The following SKIC3 variants were observed in gnomAD, a reference collection of about 807,000 sequenced individuals.
SKIC3 encodes SKI3 subunit of superkiller complex.
the SKIC3 span, among the ~76,000 whole-genome samples, chr5:95,508,346 T>C: frequency 6.6e-6 from 1 of 152,230 alleles, no homozygotes; most frequent in African/African-American, 2.4e-5. Flanking sequence ...TCAATAGTTA[T>C]TTTCTTATCA....
chr5:95,509,082 A>C, the SKIC3 span, among the ~76,000 whole-genome samples: 3 of 152,206 alleles, frequency 2.0e-5, no homozygotes, highest in Non-Finnish European at 4.4e-5. Context: ...ATAGCTGAAA[A>C]TTTGGGAACA....
At chr5:95,540,638 A>T in the SKIC3 span, 1 of 1,604,674 alleles carries the variant, frequency 6.2e-7, no homozygotes, top group Non-Finnish European at 8.5e-7. Context: ...TTCTAAATTC[A>T]ATTAAATGAT....
chr5:95,537,049 T>C, the SKIC3 span: 4 of 1,613,428 alleles, frequency 2.5e-6, no homozygotes, highest in Non-Finnish European at 3.4e-6. Flanking sequence ...TTACTTTGGA[T>C]AAACTCTGAA....
chr5:95,492,506 G>A, the SKIC3 span, among the ~76,000 whole-genome samples: 3 of 144,946 alleles, frequency 2.1e-5, no homozygotes, highest in East Asian at 2.0e-4. Context: ...GCGTAGTGGC[G>A]GGCGCCTGTA....
the SKIC3 span, chr5:95,530,096 T>C: frequency 2.1e-5 from 34 of 1,613,158 alleles, no homozygotes; most frequent in Non-Finnish European, 2.9e-5. Flanking sequence ...TACCTTCTGT[T>C]AGGTTCCTAA....
the SKIC3 span, among the ~76,000 whole-genome samples, chr5:95,479,668 A>G: frequency 6.9e-6 from 1 of 144,270 alleles, no homozygotes; most frequent in African/African-American, 2.7e-5. Flanking sequence ...ATGTATAGGA[A>G]AAAACATTGT....
chr5:95,514,352 T>C, the SKIC3 span, among the ~76,000 whole-genome samples: 3 of 152,026 alleles, frequency 2.0e-5, no homozygotes, highest in South Asian at 2.1e-4. Context: ...TAACAAAGTA[T>C]CCTGATTCCT....
the SKIC3 span, chr5:95,525,605 T>C: frequency 1.2e-6 from 2 of 1,614,054 alleles, no homozygotes. Context: ...CTTCATCAAA[T>C]GAACCTTTGT....
chr5:95,491,010 T>C, the SKIC3 span: 16 of 1,614,026 alleles, frequency 9.9e-6, no homozygotes, highest in South Asian at 1.6e-4. Context: ...CAGGCTGCCA[T>C]TAGCCCAGCC....
At chr5:95,497,188 C>T in the SKIC3 span, among the ~76,000 whole-genome samples, 2 of 152,168 alleles carry the variant, frequency 1.3e-5, no homozygotes, top group African/African-American at 4.8e-5. Context: ...GCTCCCACTT[C>T]TTTGTACGTC....
chr5:95,553,160 C>T, the SKIC3 span, among the ~76,000 whole-genome samples: 2 of 152,156 alleles, frequency 1.3e-5, no homozygotes, highest in African/African-American at 4.8e-5. Flanking sequence ...ATTCTTCCAG[C>T]ACAACGTCTC....
chr5:95,496,110 C>G, the SKIC3 span, among the ~76,000 whole-genome samples: 5 of 151,878 alleles, frequency 3.3e-5, no homozygotes, highest in Non-Finnish European at 7.4e-5. Flanking sequence ...CTCCGCCTCC[C>G]GGGTTCAAGT....
the SKIC3 span, among the ~76,000 whole-genome samples, chr5:95,532,060 C>G: frequency 6.6e-6 from 1 of 152,118 alleles, no homozygotes; most frequent in African/African-American, 2.4e-5. Context: ...CTACCCATCT[C>G]AGTCTAAACA....
the SKIC3 span, among the ~76,000 whole-genome samples, chr5:95,466,322 A>G: frequency 2.0e-5 from 3 of 152,218 alleles, no homozygotes; most frequent in Non-Finnish European, 4.4e-5. Context: ...TTTAAAGATA[A>G]TACGAACATT....
the SKIC3 span, among the ~76,000 whole-genome samples, chr5:95,490,558 C>T: frequency 4.7e-5 from 7 of 148,858 alleles, no homozygotes; most frequent in East Asian, 2.0e-4. Flanking sequence ...AGAGCGGTGG[C>T]GCAATCTCGG....
the SKIC3 span, chr5:95,494,738 T>C: frequency 6.2e-7 from 1 of 1,613,784 alleles, no homozygotes; most frequent in Non-Finnish European, 8.5e-7. Flanking sequence ...TTTTTCATCT[T>C]CTGCTGAACT....
At chr5:95,482,944 A>T in the SKIC3 span, among the ~76,000 whole-genome samples, 1 of 152,190 alleles carries the variant, frequency 6.6e-6, no homozygotes. Context: ...AGTTGAACTA[A>T]GAAAATATAA....
At chr5:95,522,049 A>G in the SKIC3 span, 2 of 1,613,210 alleles carry the variant, frequency 1.2e-6, no homozygotes, top group East Asian at 2.2e-5. Context: ...CTAAAAATAA[A>G]TTACCTTTTA....
the SKIC3 span, chr5:95,507,105 T>A: frequency 8.7e-7 from 1 of 1,152,194 alleles, no homozygotes; most frequent in Non-Finnish European, 1.3e-6. Flanking sequence ...GTTCATTTAA[T>A]TCTACTAATT....
Sources: gnomAD v4.1 joint callset for allele counts (sites outside exome capture counted in the v4.1 genomes callset) on GRCh38, gnomAD v4.1.1 for gene constraint, MANE v1.5 for transcripts, NCBI Gene and HGNC (gene_info 2026-07-23, HGNC 2026-07-21) for gene names.